Variants in HSDL2 observed in about 807,000 individuals in gnomAD.
HSDL2 encodes hydroxysteroid dehydrogenase like 2.
HSDL2 carries 27 observed loss-of-function variants against 46.3 expected under a neutral mutation model. The observed-to-expected ratio is 0.58, with a 90% confidence interval of 0.43 to 0.80. HSDL2 has a LOEUF of 0.80. Ranked by LOEUF, HSDL2 falls within the 30% of genes least tolerant of loss-of-function variation. The pLI, the probability that HSDL2 is intolerant of heterozygous loss-of-function variation, is 0.00. For missense variants in HSDL2, 451 were observed against 502.7 expected (o/e 0.90, Z 0.98); for synonymous variants, 153 against 163.6 (o/e 0.94, Z 0.50).
chr9:112,391,624 AGCCAG>A (rs1234674436), intron 1 of HSDL2, among the ~76,000 whole-genome samples: 1 of 152,088 alleles, frequency 6.6e-6, no homozygotes, highest in African/African-American at 2.4e-5. Context: ...GGGCAAAACC[AGCCAG>A]GCTTGGTGGC....
At chr9:112,453,125 G>C (rs944667353) in intron 8 of HSDL2, among the ~76,000 whole-genome samples, 1 of 152,180 alleles carries the variant, frequency 6.6e-6, no homozygotes, top group African/African-American at 2.4e-5. Context: ...TCTAACCCGT[G>C]ATGGGAGGAT....
intron 8 of HSDL2, among the ~76,000 whole-genome samples, chr9:112,450,744 A>T (rs573296556): frequency 3.5e-4 from 53 of 152,024 alleles, no homozygotes; most frequent in Admixed American, 5.9e-4. Context: ...TTTTTGGCAC[A>T]TATAATTTAA....
intron 8 of HSDL2, among the ~76,000 whole-genome samples, chr9:112,450,317 T>C (rs1182640094): frequency 8.1e-6 from 1 of 122,922 alleles, no homozygotes; most frequent in Admixed American, 1.0e-4. Context: ...AAGACAAGTT[T>C]AATACAGAAG....
At chr9:112,448,528 C>A (rs1832797534) in intron 8 of HSDL2, among the ~76,000 whole-genome samples, 1 of 16,594 alleles carries the variant, frequency 6.0e-5, no homozygotes, top group South Asian at 3.9e-3. Context: ...TTCCTCCTTT[C>A]TTTCTTTCCT....
intron 10 of HSDL2, among the ~76,000 whole-genome samples, chr9:112,462,896 C>G (rs1367492741): frequency 2.0e-5 from 3 of 152,158 alleles, no homozygotes; most frequent in African/African-American, 7.2e-5. Flanking sequence ...CTCTCTGTCT[C>G]TATAAATTTG....
At chr9:112,468,889 G>A (rs746141374) in intron 10 of HSDL2, among the ~76,000 whole-genome samples, 2 of 152,198 alleles carry the variant, frequency 1.3e-5, no homozygotes, top group Non-Finnish European at 2.9e-5. Flanking sequence ...AGATGTGTGT[G>A]AGTGGGGTGG....
At chr9:112,435,143 C>T (rs2132666064) in intron 6 of HSDL2, among the ~76,000 whole-genome samples, 1 of 151,940 alleles carries the variant, frequency 6.6e-6, no homozygotes, top group Non-Finnish European at 1.5e-5. Context: ...GTTTTGAGTG[C>T]CTAGTTGTAC....
intron 10 of HSDL2, among the ~76,000 whole-genome samples, chr9:112,464,188 G>A (rs995626872): frequency 7.9e-5 from 12 of 151,504 alleles, no homozygotes; most frequent in Non-Finnish European, 1.5e-4. Flanking sequence ...ATAACATAGT[G>A]AGACCCTGCT....
intron 6 of HSDL2, among the ~76,000 whole-genome samples, chr9:112,430,063 AAC>A (rs1832351200): frequency 6.6e-6 from 1 of 152,012 alleles, no homozygotes; most frequent in Non-Finnish European, 1.5e-5. Context: ...CAGCCTGGGC[AAC>A]AGAGTTAAAC....
At position 112,416,935 on chromosome 9, in the gene HSDL2, C is replaced by T. The variant is rs1832008819; in HGVS notation, c.490C>T (p.Gln164Ter). 3.2e-6 allele frequency: 5 copies of T among 1,555,970 alleles called. No homozygotes were observed. Among genetic ancestry groups the T allele is most frequent in the African/African-American group, 1.4e-5 (1 of 73,654 alleles). The change falls in exon 5 of 11, where the codon CAG becomes TAG. Residue 164 changes from glutamine to a stop codon, truncating the protein, a stop_gained. Coordinates refer to ENST00000398805, the MANE Select transcript of HSDL2 (RefSeq NM_032303.5). LOFTEE classifies it high-confidence loss of function. ...GAACCTAAATCCAGTTTGGTTCAAA[C>T]AGCACTGTGGTAGGTGGTAGGTGGT... Reference protein sequence around the residue: ...PLNLNPVWFKQHCAYTIAKYG... With the variant: ...PLNLNPVWFK
chr9:112,468,358 A>G (rs1209957154), intron 10 of HSDL2, among the ~76,000 whole-genome samples: 2 of 152,180 alleles, frequency 1.3e-5, no homozygotes, highest in African/African-American at 4.8e-5. Flanking sequence ...ATCTGATTTA[A>G]TCACTCATTT....
intron 9 of HSDL2, among the ~76,000 whole-genome samples, chr9:112,455,671 A>G (rs1428043536): frequency 6.6e-6 from 1 of 152,220 alleles, no homozygotes; most frequent in Non-Finnish European, 1.5e-5. Context: ...TGGTCAGCTT[A>G]CTGCTGCATT....
At position 112,411,995 on chromosome 9, in the gene HSDL2, T is replaced by G. The variant is rs557570373; in HGVS notation, c.395+2974T>G. On this transcript the variant is annotated intron_variant, in intron 4 of 10. Transcript: ENST00000398805. ...TTTAATGATTTCTGGCAGTTTCTAT[T>G]ATAGATGATGAAGCCACAGATATAC... Among the ~76,000 whole-genome samples the G allele has an allele frequency of 2.6e-5, 4 of 152,338 alleles. No individual in the cohort carries two copies. The East Asian group carries it at 7.7e-4, about 29-fold the overall frequency.
At chr9:112,420,727 C>A (rs1477542629) in intron 6 of HSDL2, among the ~76,000 whole-genome samples, 1 of 152,132 alleles carries the variant, frequency 6.6e-6, no homozygotes, top group Non-Finnish European at 1.5e-5. Flanking sequence ...TCTAATGTAA[C>A]ATCATATACA....
At chr9:112,436,200 C>T (rs1353576383) in intron 6 of HSDL2, among the ~76,000 whole-genome samples, 1 of 139,472 alleles carries the variant, frequency 7.2e-6, no homozygotes, top group African/African-American at 2.7e-5. Context: ...GCCATGATCT[C>T]ACCACTGCCT....
At position 112,445,686 on chromosome 9, in the gene HSDL2, G is replaced by A. The variant is rs549527460; in HGVS notation, c.865+3916G>A. ...ATTACATGGGTGTGCCACCATGCCCGGCTAATTTTGTATTTTTAGTAGAGA... is the reference window on the plus strand; with the variant it reads ...ATTACATGGGTGTGCCACCATGCCCAGCTAATTTTGTATTTTTAGTAGAGA... On this transcript the variant is annotated intron_variant, in intron 8 of 10. Coordinates refer to ENST00000398805, the MANE Select transcript of HSDL2 (RefSeq NM_032303.5). 5.9e-5 allele frequency among the ~76,000 whole-genome samples: 9 copies of A among 152,082 alleles called. No homozygotes were observed. The South Asian group carries it at 6.2e-4, about 10-fold the overall frequency.
chr9:112,387,638 C>T (rs971577961), intron 1 of HSDL2, among the ~76,000 whole-genome samples: 2 of 152,008 alleles, frequency 1.3e-5, no homozygotes, highest in African/African-American at 4.8e-5. Context: ...AAAGAGTCTT[C>T]GTTTTTGCAC....
At chr9:112,423,288 G>A (rs1468165531) in intron 6 of HSDL2, among the ~76,000 whole-genome samples, 1 of 152,202 alleles carries the variant, frequency 6.6e-6, no homozygotes, top group Non-Finnish European at 1.5e-5. Flanking sequence ...GCACTACACT[G>A]TCTTCAAAAC....
intron 1 of HSDL2, among the ~76,000 whole-genome samples, chr9:112,382,697 G>A (rs1831124801): frequency 6.6e-6 from 1 of 152,120 alleles, no homozygotes; most frequent in African/African-American, 2.4e-5. Context: ...GAGAAACCCT[G>A]GTTTAAAGCC....
Sources: allele counts gnomAD v4.1 joint callset (sites outside exome capture counted in the v4.1 genomes callset), GRCh38; gene constraint gnomAD v4.1.1; transcripts MANE v1.5; gene names NCBI Gene and HGNC (gene_info 2026-07-23, HGNC 2026-07-21).